The following ARID1B variants were observed in gnomAD, a reference collection of about 807,000 sequenced individuals.
ARID1B encodes AT-rich interaction domain 1B, also known as AT-rich interactive domain-containing protein 1B.
ARID1B carries 30 observed loss-of-function variants against 212.3 expected under a neutral mutation model. The ratio of observed to expected loss-of-function variants is 0.14; its 90% CI spans 0.11 to 0.19. The LOEUF is 0.19. ARID1B is among the 10% of genes least tolerant of loss of function. The pLI is 1.00. For missense variants in ARID1B, 2,891 were observed against 3,204.0 expected, an observed-to-expected ratio of 0.90 and a Z score of 2.36; for synonymous variants, 1,402 against 1,301.7, an observed-to-expected ratio of 1.08 and a Z score of -1.66.
intron 1 of ARID1B, among the ~76,000 whole-genome samples, chr6:156,783,401 CTT>C (rs911583714): frequency 8.6e-5 from 13 of 151,586 alleles, no homozygotes; most frequent in African/African-American, 3.1e-4. Context: ...TAGAGGAAGA[CTT>C]AATATAAGCT....
chr6:156,914,378 T>G (rs1790177683), intron 3 of ARID1B, among the ~76,000 whole-genome samples: 1 of 152,234 alleles, frequency 6.6e-6, no homozygotes, highest in Admixed American at 6.5e-5. Flanking sequence ...GTCATTAGGA[T>G]TCCATGCAGC....
rs188597821 is a variant in ARID1B at position 157,047,824 on chromosome 6, A to G, written c.2248-36838A>G. 3.1e-4 allele frequency among the ~76,000 whole-genome samples: 47 copies of G among 152,310 alleles called. 1 individual carries two copies. Among genetic ancestry groups the G allele is most frequent in the Admixed American group, 3.1e-3 (47 of 15,300 alleles). On this transcript the variant is annotated intron_variant, in intron 4 of 19. Coordinates refer to ENST00000636930, the MANE Select transcript of ARID1B (RefSeq NM_001374828.1). ...TTTTCTAGTAATAATAAAAATGCAT[A>G]TATTCTCTTATCCCCACCCTCAAAC...
intron 5 of ARID1B, among the ~76,000 whole-genome samples, chr6:157,105,898 C>G (rs1302560650): frequency 1.3e-5 from 2 of 152,118 alleles, no homozygotes; most frequent in Non-Finnish European, 2.9e-5. Flanking sequence ...TCGTACCTGG[C>G]CAAGACTGGT....
intron 9 of ARID1B, among the ~76,000 whole-genome samples, chr6:157,171,190 CACTT>C (rs1791693586): frequency 6.6e-6 from 1 of 152,246 alleles, no homozygotes; most frequent in Non-Finnish European, 1.5e-5. Context: ...CCTTGACCCA[CACTT>C]ACTTTAAGAA....
intron 6 of ARID1B, among the ~76,000 whole-genome samples, chr6:157,117,142 G>A (rs1787374769): frequency 6.6e-6 from 1 of 152,160 alleles, no homozygotes; most frequent in Non-Finnish European, 1.5e-5. Context: ...AGCAAAGTGT[G>A]TAGCAGATGG....
At chr6:156,806,994 A>G (rs1781207730) in intron 1 of ARID1B, among the ~76,000 whole-genome samples, 1 of 152,148 alleles carries the variant, frequency 6.6e-6, no homozygotes, top group Non-Finnish European at 1.5e-5. Flanking sequence ...CTTTCCCCCA[A>G]CCATTTAAAA....
Position 156,901,381 on chromosome 6 carries a change from A to G in ARID1B, c.1992A>G (p.Pro664=). The change falls in exon 3 of 20, where the codon CCA becomes CCG. Residue 664 remains proline (P), a synonymous_variant. Transcript: ENST00000636930. ...TTTGCTTGACTTTTTGACAGATGCCACCTCAGTATGGACAGCAAGGTGTGA... is the reference window on the plus strand; with the variant it reads ...TTTGCTTGACTTTTTGACAGATGCCGCCTCAGTATGGACAGCAAGGTGTGA... The part of the protein sequence containing the change: ...AGMQYPQQQM[P]PQYGQQGVSG... 1.2e-6 allele frequency: 2 copies of G among 1,614,140 alleles called. No individual in the cohort carries two copies. Among genetic ancestry groups the G allele is most frequent in the South Asian group, 1.1e-5 (1 of 91,084 alleles).
intron 5 of ARID1B, among the ~76,000 whole-genome samples, chr6:157,105,204 A>T (rs556031524): frequency 1.3e-5 from 2 of 152,320 alleles, no homozygotes; most frequent in South Asian, 2.1e-4. Flanking sequence ...GAAAAAAAAC[A>T]TGTATGTACT....
At chr6:157,151,390 T>C (rs1472098828) in intron 8 of ARID1B, 1 of 151,734 alleles carries the variant, frequency 6.6e-6, no homozygotes, top group Non-Finnish European at 1.5e-5. Flanking sequence ...TTAGGAGGAG[T>C]TTCATTATAT....
At chr6:157,117,442 A>C (rs192814866) in intron 6 of ARID1B, among the ~76,000 whole-genome samples, 1 of 152,314 alleles carries the variant, frequency 6.6e-6, no homozygotes, top group Admixed American at 6.5e-5. Flanking sequence ...TTCGAGTCAC[A>C]TTCTATTTGC....
At chr6:156,971,417 A>T (rs1222429947) in intron 4 of ARID1B, among the ~76,000 whole-genome samples, 2 of 152,196 alleles carry the variant, frequency 1.3e-5, no homozygotes, top group Non-Finnish European at 2.9e-5. Flanking sequence ...ATGTTGAAAG[A>T]ACTTTGTGTG....
At chr6:157,044,260 AATTTT>A (rs1423354927) in intron 4 of ARID1B, among the ~76,000 whole-genome samples, 1 of 152,206 alleles carries the variant, frequency 6.6e-6, no homozygotes, top group Non-Finnish European at 1.5e-5. Context: ...AAAAGTGGAA[AATTTT>A]ATTTTATCTT....
intron 3 of ARID1B, among the ~76,000 whole-genome samples, chr6:156,909,123 CTTT>C (rs60183999): frequency 9.2e-5 from 10 of 108,814 alleles, no homozygotes; most frequent in South Asian, 5.9e-4. Context: ...TTTTCTTTCT[CTTT>C]TTTTTTTTTT....
At chr6:157,165,244 A>C (rs1189451229) in intron 8 of ARID1B, among the ~76,000 whole-genome samples, 1 of 151,154 alleles carries the variant, frequency 6.6e-6, no homozygotes, top group Non-Finnish European at 1.5e-5. Flanking sequence ...GGGTATTCTA[A>C]TTCTGATTTA....
At chr6:157,096,325 T>A (rs533146476) in intron 5 of ARID1B, among the ~76,000 whole-genome samples, 56 of 152,302 alleles carry the variant, frequency 3.7e-4, no homozygotes, top group African/African-American at 1.3e-3. Flanking sequence ...CTCACAGTTC[T>A]CTTAGAAAAA....
In ARID1B at chr6:157,181,163, C is replaced by G. The variant is rs181686951; in HGVS notation, c.3699C>G (p.Ile1233Met). Residue 1233 changes from isoleucine to methionine, a missense_variant, in exon 12 of 20, where the codon ATC (isoleucine) becomes ATG (methionine). Physicochemically the swap from Ile to Met is conservative, Grantham distance 10. Around this residue, in one of 7 missense-constraint regions of ARID1B, gnomAD observed 666 missense variants for 873.5 expected, o/e 0.76. Transcript: ENST00000636930. Reference sequence around the variant, plus strand: ...GACTCTACGTCTGCGTCAAAGAGATCGGGGGTTTGGCCCAGGTAAGAATGA... The same window carrying G: ...GACTCTACGTCTGCGTCAAAGAGATGGGGGGTTTGGCCCAGGTAAGAATGA... ...LFRLYVCVKE[I>M]GGLAQVNKNK... is the part of the protein sequence containing the mutation. The G allele has an allele frequency of 1.2e-6, 2 of 1,614,120 alleles. No individual in the cohort carries two copies. The highest frequency in any genetic ancestry group is 1.3e-5 in the African/African-American group (1 of 75,040).
intron 2 of ARID1B, among the ~76,000 whole-genome samples, chr6:156,877,510 A>G (rs908479266): frequency 1.5e-5 from 2 of 131,050 alleles, no homozygotes; most frequent in Admixed American, 7.2e-5. Context: ...GTCTACTTCA[A>G]TAACGTGTCT....
At chr6:157,024,068 T>C (rs912751109) in intron 4 of ARID1B, 2 of 152,246 alleles carry the variant, frequency 1.3e-5, no homozygotes, top group Admixed American at 1.3e-4. Context: ...TATCTGCCTG[T>C]GCAGAGATGT....
chr6:157,197,299 G>A (rs1029634570), intron 16 of ARID1B, among the ~76,000 whole-genome samples: 1 of 152,270 alleles, frequency 6.6e-6, no homozygotes, highest in African/African-American at 2.4e-5. Flanking sequence ...CTTCGGGATC[G>A]CGGCCTTCGG....
Sources: allele counts gnomAD v4.1 joint callset (sites outside exome capture counted in the v4.1 genomes callset), GRCh38; gene constraint gnomAD v4.1.1; regional missense constraint gnomAD v4.1.1; transcripts MANE v1.5; gene names NCBI Gene and HGNC (gene_info 2026-07-23, HGNC 2026-07-21).